EPX: variants seen among roughly 807,000 people sequenced by gnomAD.
EPX encodes eosinophil peroxidase.
A neutral mutation model predicts 73.0 loss-of-function variants in EPX; 60 were observed. That is an observed-to-expected ratio of 0.82 (90% CI 0.67 to 1.02). The LOEUF (loss-of-function observed/expected upper bound fraction) is 1.02. Ranked by LOEUF, EPX falls within the 50% of genes least tolerant of loss-of-function variation. The pLI, the probability that EPX is intolerant of heterozygous loss-of-function variation, is 0.00. For missense variants in EPX, 950 were observed against 973.9 expected (o/e 0.98, Z 0.33); for synonymous variants, 347 against 389.2 (o/e 0.89, Z 1.28).
rs781164005 is a variant in EPX, at chr17:58,194,957, C to T, written c.595-7C>T. The stretch of plus-strand genomic sequence containing the variant: ...CATGTCCCGTGCTGATGTTATTTCC[C>T]CACCAGGTCCGGGCTGTCTCCAACC... On this transcript the variant is annotated splice_region_variant and splice_polypyrimidine_tract_variant and intron_variant, in intron 5 of 12. Transcript: ENST00000225371. 1.6e-5 allele frequency: 26 copies of T among 1,612,248 alleles called. No homozygotes were observed. The highest frequency in any genetic ancestry group is 8.5e-7 in the Non-Finnish European group (1 of 1,178,522).
chr17:58,201,686 G>T (rs1968343451), intron 10 of EPX, among the ~76,000 whole-genome samples: 1 of 152,170 alleles, frequency 6.6e-6, no homozygotes, highest in African/African-American at 2.4e-5. Context: ...GGATATGATA[G>T]GGATGTTCCT....
At position 58,200,324 on chromosome 17, in the gene EPX, G is replaced by C. The variant is rs527248774; in HGVS notation, c.1637G>C (p.Arg546Pro). ...LVDELRDRLFRQVRRIGLDLA... is the reference protein window; with the variant it reads ...LVDELRDRLFPQVRRIGLDLA... ...GATGAGCTCCGGGACCGGCTGTTTC[G>C]GCAAGTGAGGAGGATTGGGCTGGAC... Residue 546 changes from arginine to proline, a missense_variant, in exon 10 of 13, where the codon CGG (arginine) becomes CCG (proline). Physicochemically the swap from Arg to Pro is moderately radical, Grantham distance 103. Transcript: ENST00000225371. The C allele has an allele frequency of 5.6e-6, 9 of 1,614,046 alleles. No individual in the cohort carries two copies. The highest frequency in any genetic ancestry group is 6.8e-6 in the Non-Finnish European group (8 of 1,180,044).
At chr17:58,193,575 G>T in intron 3 of EPX, 29 bp downstream of exon 3, 1 of 1,610,640 alleles carries the variant, frequency 6.2e-7, no homozygotes, top group Non-Finnish European at 8.5e-7. Flanking sequence ...AGCCCGCTGG[G>T]CCTACCCTGG....
intron 7 of EPX, 37 bp downstream of exon 7, chr17:58,197,294 C>T (rs754919797): frequency 6.2e-7 from 1 of 1,605,398 alleles, no homozygotes; most frequent in South Asian, 1.1e-5. Context: ...TCCCAGGAAA[C>T]AGCCATCCCT....
At position 58,193,243 on chromosome 17, in the gene EPX, G is replaced by A. The variant is rs775749240; in HGVS notation, c.170+112G>A. On this transcript the variant is annotated intron_variant, in intron 2 of 12. Coordinates refer to ENST00000225371, the MANE Select transcript of EPX (RefSeq NM_000502.6). ...CCTCTGGACCCCATGAACATTTCCT[G>A]TTGGTAGAGCCTCCCTTCCATCCAT... 147 of 1,237,872 alleles carry A rather than the reference G, an allele frequency of 1.2e-4. 1 individual carries two copies. Among genetic ancestry groups the A allele is most frequent in the Non-Finnish European group, 1.5e-4 (130 of 838,716 alleles). The allele number at this position is 1,237,872 out of a possible 1,614,324, so 76.7% of individuals were successfully genotyped here. A position where few individuals can be genotyped will look rare whatever the true frequency, so the allele number is the denominator to read the frequency against.
At chr17:58,197,400 C>A (rs967881792) in intron 7 of EPX, 143 bp downstream of exon 7, 3 of 993,106 alleles carry the variant, frequency 3.0e-6, no homozygotes, top group South Asian at 1.4e-5. Context: ...CTGTGCACAG[C>A]CATCATAGAA....
intron 8 of EPX, 36 bp downstream of exon 8, chr17:58,199,236 C>A (rs781746087): frequency 1.2e-6 from 2 of 1,605,598 alleles, no homozygotes; most frequent in Non-Finnish European, 1.7e-6. Context: ...CCCCAGATGA[C>A]AAGCTTGGCA....
chr17:58,194,832 G>T (rs1028998390), intron 5 of EPX, 132 bp from the exon 6 acceptor site: 9 of 730,308 alleles, frequency 1.2e-5, no homozygotes, highest in African/African-American at 1.7e-5. Flanking sequence ...GGACAAAAGG[G>T]GCATGGAGGG....
intron 12 of EPX, 100 bp downstream of exon 12, chr17:58,204,534 C>T (rs1388364751): frequency 5.5e-6 from 4 of 724,070 alleles, no homozygotes; most frequent in Non-Finnish European, 9.6e-6. Flanking sequence ...GCAGAGAAAA[C>T]AGAACTTGTC....
rs757607864 is a variant in EPX, at chr17:58,204,288, G to A, written c.2013G>A (p.Leu671=). 5 of 1,614,004 alleles carry A rather than the reference G, an allele frequency of 3.1e-6. No homozygotes were observed. The highest frequency in any genetic ancestry group is 1.7e-6 in the Non-Finnish European group (2 of 1,179,964). ...GCAAGGCCCTGAGCAGAATTTCCTT[G>A]TCTCGAATTATATGTGACAATACCG... is the stretch of plus-strand genomic sequence containing the variant. The part of the protein sequence containing the change: ...RQRKALSRIS[L]SRIICDNTGI... The change falls in exon 12 of 13, where the codon TTG becomes TTA. Residue 671 remains leucine (L), a synonymous_variant. Transcript: ENST00000225371.
chr17:58,195,163 C>G lies in EPX; in HGVS notation c.794C>G (p.Pro265Arg), dbSNP rs201161563. 6.8e-6 allele frequency: 11 copies of G among 1,613,196 alleles called. No individual in the cohort carries two copies. The highest frequency in any genetic ancestry group is 1.1e-5 in the South Asian group (1 of 91,072). ...RTCAQLPPCF[P>R]IKIPPNDPRI... Reference sequence around the variant, plus strand: ...TGCGCCCAGCTGCCCCCCTGCTTTCCCATCAAGGTACCTACCCTCAGCCAA... The same window carrying G: ...TGCGCCCAGCTGCCCCCCTGCTTTCGCATCAAGGTACCTACCCTCAGCCAA... Residue 265 changes from proline to arginine, a missense_variant, in exon 6 of 13, where the codon CCC becomes CGC. By Grantham distance (103) the Pro-to-Arg change is moderately radical (BLOSUM62 -2). Transcript: ENST00000225371.
chr17:58,193,616 G>T, intron 3 of EPX, 70 bp downstream of exon 3: 1 of 1,577,924 alleles, frequency 6.3e-7, no homozygotes. Context: ...GGAGAGGGAG[G>T]CAGGGTGCAC....
Position 58,194,020 on chromosome 17 carries a change from G to C in EPX, c.522G>C (p.Glu174Asp), listed in dbSNP as rs1327198987. The change falls in exon 5 of 13, where the codon GAG (glutamate) becomes GAC (aspartate). Residue 174 changes from glutamate to aspartate, a missense_variant. Physicochemically the swap from Glu to Asp is conservative, Grantham distance 45. Coordinates refer to ENST00000225371, the MANE Select transcript of EPX (RefSeq NM_000502.6). Reference sequence around the variant, plus strand: ...CTCTGGCTCGCTGGCTGCCCGCCGAGTATGAGGATGGGCTGTCGCTCCCCT... The same window carrying C: ...CTCTGGCTCGCTGGCTGCCCGCCGACTATGAGGATGGGCTGTCGCTCCCCT... ...NQALARWLPA[E>D]YEDGLSLPFG... The C allele has an allele frequency of 6.2e-7, 1 of 1,613,284 alleles. No homozygotes were observed. The highest frequency in any genetic ancestry group is 1.1e-5 in the South Asian group (1 of 91,084).
chr17:58,200,471 A>G (rs901924996), intron 10 of EPX, 76 bp downstream of exon 10: 2 of 1,437,446 alleles, frequency 1.4e-6, no homozygotes, highest in African/African-American at 1.4e-5. Flanking sequence ...AGACCCTGGT[A>G]CCTCCTTTCT....
chr17:58,193,699 T>C lies in EPX; in HGVS notation c.347-15T>C, dbSNP rs11079340. 0.31 allele frequency: 494,685 copies of C among 1,597,074 alleles called. 79,455 individuals carry two copies. Among genetic ancestry groups the C allele is most frequent in the Non-Finnish European group, 0.32 (375,889 of 1,166,370 alleles). ...GAGCAGGCCAGCTCAGGTCTGCCCATTTGCCTTCCCACAGATGTGCTAACA... is the reference window on the plus strand; with the variant it reads ...GAGCAGGCCAGCTCAGGTCTGCCCACTTGCCTTCCCACAGATGTGCTAACA... On this transcript the variant is annotated splice_polypyrimidine_tract_variant and intron_variant, in intron 3 of 12. Coordinates refer to ENST00000225371, the MANE Select transcript of EPX (RefSeq NM_000502.6).
rs755681100 is a variant in EPX at position 58,195,141 on chromosome 17, G to A, written c.772G>A (p.Ala258Thr). The change falls in exon 6 of 13, where the codon GCC (alanine) becomes ACC (threonine). Residue 258 changes from alanine to threonine, a missense_variant. Ala to Thr is a moderately conservative substitution (Grantham distance 58, BLOSUM62 0). Transcript: ENST00000225371. ...TAGVDCERTC[A>T]QLPPCFPIKI... is the part of the protein sequence containing the mutation. Reference sequence around the variant, plus strand: ...AGGCGTTGACTGTGAGAGGACCTGCGCCCAGCTGCCCCCCTGCTTTCCCAT... The same window carrying A: ...AGGCGTTGACTGTGAGAGGACCTGCACCCAGCTGCCCCCCTGCTTTCCCAT... 1.3e-5 allele frequency: 21 copies of A among 1,613,830 alleles called. No individual in the cohort carries two copies. The highest frequency in any genetic ancestry group is 2.2e-5 in the East Asian group (1 of 44,890).
intron 10 of EPX, 35 bp from the exon 11 acceptor site, chr17:58,203,046 C>T: frequency 1.3e-6 from 2 of 1,504,552 alleles, no homozygotes; most frequent in Non-Finnish European, 1.8e-6. Context: ...GGGAGATCAG[C>T]AAGACTGAAG....
At chr17:58,197,294 C>G (rs754919797) in intron 7 of EPX, 37 bp downstream of exon 7, 2 of 1,605,398 alleles carry the variant, frequency 1.2e-6, no homozygotes, top group Non-Finnish European at 1.7e-6. Flanking sequence ...TCCCAGGAAA[C>G]AGCCATCCCT....
Position 58,193,487 on chromosome 17 carries a change from C to T in EPX, c.287C>T (p.Ala96Val). 6.2e-7 allele frequency: 1 copy of T among 1,614,176 alleles called. No individual in the cohort carries two copies. Among genetic ancestry groups the T allele is most frequent in the Non-Finnish European group, 8.5e-7 (1 of 1,180,018 alleles). ...VVRAADYMHV[A>V]LGLLEEKLQP... ...CGGGCCGCAGATTATATGCATGTGG[C>T]TTTGGGGCTGCTTGAAGAGAAGTTA... Residue 96 changes from alanine (A) to valine (V), a missense_variant, in exon 3 of 13, where the codon GCT becomes GTT. Ala to Val is a moderately conservative substitution (Grantham distance 64). Coordinates refer to ENST00000225371, the MANE Select transcript of EPX (RefSeq NM_000502.6).
Sources: allele counts gnomAD v4.1 joint callset (sites outside exome capture counted in the v4.1 genomes callset), GRCh38; gene constraint gnomAD v4.1.1; transcripts MANE v1.5; gene names NCBI Gene and HGNC (gene_info 2026-07-23, HGNC 2026-07-21).